The following STXBP5L variants were observed in gnomAD, a reference collection of about 807,000 sequenced individuals.
STXBP5L encodes syntaxin-binding protein 5-like.
Under a neutral mutation model 144.5 loss-of-function variants are expected in STXBP5L, and 65 were observed. That is an observed-to-expected ratio of 0.45 (90% confidence interval 0.37 to 0.55). The LOEUF is 0.55. Ranked by LOEUF, STXBP5L falls within the 20% of genes least tolerant of loss-of-function variation. The probability of loss-of-function intolerance (pLI) is 0.00; values close to 1 mark genes in which losing one functional copy is unlikely to be tolerated. For missense variants in STXBP5L, 1,298 were observed against 1,405.5 expected, an observed-to-expected ratio of 0.92 and a Z score of 1.22; for synonymous variants, 505 against 469.6, an observed-to-expected ratio of 1.08 and a Z score of -0.97.
intron 5 of STXBP5L, among the ~76,000 whole-genome samples, chr3:121,047,268 C>G (rs1947582261): frequency 6.6e-6 from 1 of 151,756 alleles, no homozygotes; most frequent in African/African-American, 2.4e-5. Flanking sequence ...GTTTTATGTC[C>G]AATTGTGTGG....
intron 22 of STXBP5L, among the ~76,000 whole-genome samples, chr3:121,394,668 G>A (rs1272673432): frequency 3.0e-5 from 4 of 134,722 alleles, no homozygotes; most frequent in South Asian, 2.5e-4. Context: ...GCAGTGGCAC[G>A]ATCTCAGCTC....
At chr3:121,354,118 G>C (rs1018142581) in intron 20 of STXBP5L, among the ~76,000 whole-genome samples, 2 of 152,148 alleles carry the variant, frequency 1.3e-5, no homozygotes, top group African/African-American at 4.8e-5. Context: ...GTCAATTTTA[G>C]AATAAGTGCA....
intron 9 of STXBP5L, among the ~76,000 whole-genome samples, chr3:121,159,523 T>C (rs989658451): frequency 2.0e-5 from 3 of 152,106 alleles, no homozygotes; most frequent in Non-Finnish European, 4.4e-5. Flanking sequence ...AGCCAGAGAA[T>C]ATGACATAAC....
intron 23 of STXBP5L, among the ~76,000 whole-genome samples, chr3:121,412,295 C>T (rs912709449): frequency 1.3e-5 from 2 of 152,124 alleles, no homozygotes; most frequent in Non-Finnish European, 2.9e-5. Context: ...TAACAAGGTC[C>T]TCACACAGGG....
At chr3:120,957,959 G>A (rs1013159887) in intron 3 of STXBP5L, among the ~76,000 whole-genome samples, 5 of 152,026 alleles carry the variant, frequency 3.3e-5, no homozygotes, top group Non-Finnish European at 7.4e-5. Context: ...AAAAATCAAC[G>A]AATCCAGGAG....
intron 5 of STXBP5L, among the ~76,000 whole-genome samples, chr3:121,095,642 C>T (rs190611200): frequency 3.3e-5 from 5 of 152,296 alleles, no homozygotes; most frequent in African/African-American, 1.2e-4. Context: ...TCCATCAGGT[C>T]ATTTAAGGAC....
intron 5 of STXBP5L, among the ~76,000 whole-genome samples, chr3:121,090,874 C>T (rs968018125): frequency 1.3e-5 from 2 of 151,822 alleles, no homozygotes; most frequent in African/African-American, 4.8e-5. Context: ...GTGTGCTGCA[C>T]CCACTAACGT....
intron 14 of STXBP5L, among the ~76,000 whole-genome samples, chr3:121,246,782 A>G (rs2049867650): frequency 6.6e-6 from 1 of 152,214 alleles, no homozygotes; most frequent in Non-Finnish European, 1.5e-5. Context: ...ACATGTAAGA[A>G]ATATTATCCT....
intron 9 of STXBP5L, among the ~76,000 whole-genome samples, chr3:121,197,994 C>A (rs562211358): frequency 6.6e-6 from 1 of 152,266 alleles, no homozygotes; most frequent in East Asian, 1.9e-4. Flanking sequence ...TATTTATAAT[C>A]CTTTGGATAT....
Position 121,338,464 on chromosome 3 carries a change from T to A in STXBP5L, c.2176+19924T>A, listed in dbSNP as rs995714346. ...TTTGAGACCAGCCTAGCCAACATGA[T>A]GAAACCCTGTCTCTACTAAAAATAC... On this transcript the variant is annotated intron_variant, in intron 20 of 26. Coordinates refer to ENST00000471454, the MANE Select transcript of STXBP5L (RefSeq NM_001308330.2). Among the ~76,000 whole-genome samples, 3 of 151,492 alleles carry A rather than the reference T, an allele frequency of 2.0e-5. No individual in the cohort carries two copies. The East Asian group carries it at 5.8e-4, about 29-fold the overall frequency.
At chr3:121,006,743 C>A (rs956703027) in intron 3 of STXBP5L, among the ~76,000 whole-genome samples, 1 of 152,104 alleles carries the variant, frequency 6.6e-6, no homozygotes, top group Non-Finnish European at 1.5e-5. Context: ...TAGGGCAGGC[C>A]TGGTGGTGAC....
At chr3:121,372,211 A>C (rs561169800) in intron 20 of STXBP5L, among the ~76,000 whole-genome samples, 11 of 152,128 alleles carry the variant, frequency 7.2e-5, no homozygotes, top group Non-Finnish European at 1.6e-4. Context: ...AGACAGGCTT[A>C]GCCAGGCTGG....
At chr3:121,230,017 A>G (rs2049253058) in intron 11 of STXBP5L, among the ~76,000 whole-genome samples, 1 of 152,180 alleles carries the variant, frequency 6.6e-6, no homozygotes, top group African/African-American at 2.4e-5. Context: ...CGTATTTGAA[A>G]ATGACTTGTA....
intron 20 of STXBP5L, among the ~76,000 whole-genome samples, chr3:121,378,432 A>G (rs544322248): frequency 1.3e-5 from 2 of 152,330 alleles, no homozygotes; most frequent in African/African-American, 4.8e-5. Context: ...GTTTAATACT[A>G]TAATGACAGA....
At chr3:121,312,365 CTTCTT>C (rs919105239) in intron 19 of STXBP5L, among the ~76,000 whole-genome samples, 1 of 64,216 alleles carries the variant, frequency 1.6e-5, no homozygotes, top group African/African-American at 6.9e-5. Flanking sequence ...AACTAAAGAG[CTTCTT>C]TTTTTTTTTT....
intron 3 of STXBP5L, among the ~76,000 whole-genome samples, chr3:120,959,197 A>G (rs1268806830): frequency 2.6e-5 from 4 of 152,206 alleles, no homozygotes; most frequent in Non-Finnish European, 5.9e-5. Flanking sequence ...CTTACAAGGG[A>G]CGTGAAGGAC....
At position 120,952,119 on chromosome 3, in the gene STXBP5L, T is replaced by C. The variant is rs951079416; in HGVS notation, c.190-2821T>C. Among the ~76,000 whole-genome samples the C allele has an allele frequency of 3.5e-4, 48 of 137,298 alleles. No individual in the cohort carries two copies. The Admixed American group carries it at 3.5e-3, about 10-fold the overall frequency. 90.1% of individuals were successfully genotyped at this position (137,298 alleles called of 152,430 possible). ...GAATTGAACAATGAGAACACATGGA[T>C]ACAGGAAGGGGAACATCACACTCTG... On this transcript the variant is annotated intron_variant, in intron 2 of 26. Coordinates refer to ENST00000471454, the MANE Select transcript of STXBP5L (RefSeq NM_001308330.2).
At chr3:121,243,143 A>G (rs2049724459) in intron 14 of STXBP5L, among the ~76,000 whole-genome samples, 1 of 152,200 alleles carries the variant, frequency 6.6e-6, no homozygotes, top group African/African-American at 2.4e-5. Context: ...TGTTCTGGAT[A>G]TATGTTATAG....
intron 20 of STXBP5L, among the ~76,000 whole-genome samples, chr3:121,376,602 T>C (rs2046190264): frequency 6.6e-6 from 1 of 152,240 alleles, no homozygotes; most frequent in Non-Finnish European, 1.5e-5. Context: ...ATATCTGTTT[T>C]GGTGCCAGTA....
Sources: gnomAD v4.1 joint callset for allele counts (sites outside exome capture counted in the v4.1 genomes callset) on GRCh38, gnomAD v4.1.1 for gene constraint, MANE v1.5 for transcripts, NCBI Gene and HGNC (gene_info 2026-07-23, HGNC 2026-07-21) for gene names.